CECR2: variants seen among roughly 807,000 people sequenced by gnomAD.
CECR2 encodes the protein chromatin remodeling regulator CECR2.
Under a neutral mutation model 154.5 loss-of-function variants are expected in CECR2, and 30 were observed. That is an observed-to-expected ratio of 0.19 (90% CI 0.15 to 0.26). The LOEUF (loss-of-function observed/expected upper bound fraction) is 0.26. Ranked by LOEUF, CECR2 falls within the 10% of genes least tolerant of loss-of-function variation. The pLI, the probability that CECR2 is intolerant of heterozygous loss-of-function variation, is 1.00. For missense variants in CECR2, 1,743 were observed against 1,829.3 expected, an observed-to-expected ratio of 0.95 and a Z score of 0.86; for synonymous variants, 725 against 683.7, an observed-to-expected ratio of 1.06 and a Z score of -0.94.
intron 1 of CECR2, among the ~76,000 whole-genome samples, chr22:17,412,408 C>G (rs1237531979): frequency 6.6e-6 from 1 of 152,174 alleles, no homozygotes; most frequent in African/African-American, 2.4e-5. Flanking sequence ...GCCCCACCCC[C>G]ACACTCTTCA....
intron 1 of CECR2, among the ~76,000 whole-genome samples, chr22:17,407,202 A>G (rs2053997246): frequency 1.3e-5 from 2 of 152,222 alleles, no homozygotes; most frequent in Non-Finnish European, 2.9e-5. Context: ...TTTAAGGATC[A>G]TTCAGTGTAA....
intron 9 of CECR2, chr22:17,524,895 G>T: frequency 2.6e-6 from 1 of 386,630 alleles, no homozygotes; most frequent in Non-Finnish European, 5.1e-6. Flanking sequence ...TCAAACTGCT[G>T]ACCTCAAATG....
At chr22:17,462,984 A>G (rs2054967142) in intron 1 of CECR2, among the ~76,000 whole-genome samples, 1 of 152,236 alleles carries the variant, frequency 6.6e-6, no homozygotes, top group Admixed American at 6.5e-5. Context: ...AAAGCAGACA[A>G]AGCTCCTCAA....
At chr22:17,499,580 T>C (rs989988254) in intron 4 of CECR2, 31 bp downstream of exon 4, 1 of 1,567,032 alleles carries the variant, frequency 6.4e-7, no homozygotes, top group African/African-American at 1.4e-5. Flanking sequence ...GCATGATAGC[T>C]ACTGTATTAA....
intron 1 of CECR2, among the ~76,000 whole-genome samples, chr22:17,387,807 T>A (rs1313601982): frequency 6.6e-6 from 1 of 152,222 alleles, no homozygotes; most frequent in Non-Finnish European, 1.5e-5. Context: ...AAGGGGCGTT[T>A]GGGTTATCTG....
rs904372976 is a variant in CECR2, at chr22:17,466,152, A to C, written c.127-11436A>C. 9.2e-5 allele frequency among the ~76,000 whole-genome samples: 14 copies of C among 151,552 alleles called. No individual in the cohort carries two copies. The East Asian group carries it at 2.8e-3, about 30-fold the overall frequency. On this transcript the variant is annotated intron_variant, in intron 1 of 18. Coordinates refer to ENST00000262608, the MANE Select transcript of CECR2 (RefSeq NM_001290047.2). Reference sequence around the variant, plus strand: ...TTTTTAGTAGAGACAGGGTTTCGCTATGTTGGCCAGGCTGGTCTTGAACTC... The same window carrying C: ...TTTTTAGTAGAGACAGGGTTTCGCTCTGTTGGCCAGGCTGGTCTTGAACTC...
intron 8 of CECR2, among the ~76,000 whole-genome samples, chr22:17,522,374 G>T (rs1040296594): frequency 2.6e-5 from 4 of 152,172 alleles, no homozygotes; most frequent in Admixed American, 6.5e-5. Context: ...TGAGAGCAGG[G>T]ATTATGGCAA....
At chr22:17,550,132 C>CTTTA (rs368804976) in intron 17 of CECR2, 12,828 of 150,278 alleles carry the variant, frequency 0.085, 627 homozygotes, top group Admixed American at 0.16. Flanking sequence ...ATATTGTAAA[C>CTTTA]TTTATTTATT....
intron 8 of CECR2, among the ~76,000 whole-genome samples, chr22:17,512,691 G>A (rs888863361): frequency 5.3e-5 from 7 of 132,456 alleles, no homozygotes; most frequent in African/African-American, 2.0e-4. Flanking sequence ...CAACTTCAGA[G>A]TTTCACTCTG....
chr22:17,550,074 T>C (rs2056685635), intron 17 of CECR2, among the ~76,000 whole-genome samples: 3 of 152,142 alleles, frequency 2.0e-5, no homozygotes, highest in Admixed American at 2.0e-4. Context: ...TGAAATTTTT[T>C]CCACTCATGA....
chr22:17,499,894 TCTC>T (rs2055703931), intron 4 of CECR2, among the ~76,000 whole-genome samples: 1 of 152,146 alleles, frequency 6.6e-6, no homozygotes, highest in Non-Finnish European at 1.5e-5. Context: ...GTCCTTGAGA[TCTC>T]CTTATTTCGA....
chr22:17,393,709 G>T (rs980099354), intron 1 of CECR2, among the ~76,000 whole-genome samples: 1 of 152,032 alleles, frequency 6.6e-6, no homozygotes, highest in African/African-American at 2.4e-5. Flanking sequence ...GGTGTGAAGT[G>T]GTTTCTCCAC....
At chr22:17,496,851 C>T (rs896609688) in intron 2 of CECR2, among the ~76,000 whole-genome samples, 1 of 152,182 alleles carries the variant, frequency 6.6e-6, no homozygotes, top group South Asian at 2.1e-4. Flanking sequence ...ATGTGCTATT[C>T]GGGCTTTAAA....
intron 1 of CECR2, among the ~76,000 whole-genome samples, chr22:17,439,031 G>A (rs934355223): frequency 1.3e-5 from 2 of 151,964 alleles, no homozygotes; most frequent in East Asian, 1.9e-4. Flanking sequence ...TTTAAAGTAT[G>A]TATATATAAA....
In CECR2 at chr22:17,394,381, T is replaced by C. The variant is rs905067648; in HGVS notation, c.126+24472T>C. 9.6e-4 allele frequency among the ~76,000 whole-genome samples: 144 copies of C among 149,756 alleles called. 1 individual carries two copies. Among genetic ancestry groups the C allele is most frequent in the African/African-American group, 3.5e-3 (141 of 40,554 alleles). On this transcript the variant is annotated intron_variant, in intron 1 of 18. Transcript: ENST00000262608. The stretch of plus-strand genomic sequence containing the variant: ...CCATGCCCAGCTAAGTTTTTTTCTA[T>C]TTTTTTTTGTAGAGACAGGGTCTTA...
Position 17,470,137 on chromosome 22 carries a change from A to G in CECR2, c.127-7451A>G, listed in dbSNP as rs138378106. Among the ~76,000 whole-genome samples the G allele has an allele frequency of 9.3e-3, 1,418 of 152,042 alleles. 23 individuals are homozygous for G. Among genetic ancestry groups the G allele is most frequent in the African/African-American group, 0.032 (1,348 of 41,494 alleles). Reference sequence around the variant, plus strand: ...ACTCAAAGACACACACACTGAAATTATATATAAAATTTTCTGTGGGCCAGG... The same window carrying G: ...ACTCAAAGACACACACACTGAAATTGTATATAAAATTTTCTGTGGGCCAGG... On this transcript the variant is annotated intron_variant, in intron 1 of 18. Coordinates refer to ENST00000262608, the MANE Select transcript of CECR2 (RefSeq NM_001290047.2).
At chr22:17,364,963 G>A (rs2062994037), upstream of CECR2, among the ~76,000 whole-genome samples, 1 of 152,146 alleles carries the variant, frequency 6.6e-6, no homozygotes, top group African/African-American at 2.4e-5. Context: ...AGTGGCTCAC[G>A]CCTATAATCC....
chr22:17,488,749 T>C (rs376558808), intron 2 of CECR2, among the ~76,000 whole-genome samples: 4 of 152,236 alleles, frequency 2.6e-5, no homozygotes, highest in African/African-American at 7.2e-5. Context: ...GAGCCTATTA[T>C]GAATGAAGCT....
intron 3 of CECR2, 77 bp downstream of exon 3, chr22:17,497,663 A>G (rs1015921066): frequency 1.4e-6 from 2 of 1,421,980 alleles, no homozygotes; most frequent in Admixed American, 1.7e-5. Flanking sequence ...CGTAAAACCC[A>G]AAGATACTAA....
Sources: allele counts gnomAD v4.1 joint callset (sites outside exome capture counted in the v4.1 genomes callset), GRCh38; gene constraint gnomAD v4.1.1; transcripts MANE v1.5; gene names NCBI Gene and HGNC (gene_info 2026-07-23, HGNC 2026-07-21).